Variants in LHFPL7 observed in about 807,000 individuals in gnomAD.
LHFPL7 encodes the protein LHFPL tetraspan subfamily member 7 protein.
At chr22:24,946,422 C>CT in the LHFPL7 span, 1 of 133,236 alleles carries the variant, frequency 7.5e-6, no homozygotes, top group Non-Finnish European at 1.6e-5. Flanking sequence ...CACCCACCCA[C>CT]CCACACACAC....
At chr22:24,944,418 C>A in the LHFPL7 span, among the ~76,000 whole-genome samples, 1 of 152,016 alleles carries the variant, frequency 6.6e-6, no homozygotes, top group Non-Finnish European at 1.5e-5. Flanking sequence ...ATGGAGGGAG[C>A]CACGTGGAGA....
At chr22:24,935,763 A>G in the LHFPL7 span, among the ~76,000 whole-genome samples, 1 of 151,852 alleles carries the variant, frequency 6.6e-6, no homozygotes, top group East Asian at 2.0e-4. Flanking sequence ...CACTCATTCA[A>G]CTACGCTTCC....
chr22:24,938,893 CAGAG>C, the LHFPL7 span, among the ~76,000 whole-genome samples: 1 of 152,184 alleles, frequency 6.6e-6, no homozygotes, highest in Non-Finnish European at 1.5e-5. Context: ...GCACAACTCT[CAGAG>C]ACACGTTGGG....
At chr22:24,935,517 G>A in the LHFPL7 span, 1 of 1,614,108 alleles carries the variant, frequency 6.2e-7, no homozygotes. Context: ...ATACATGGAG[G>A]AGGCTTCGCA....
the LHFPL7 span, among the ~76,000 whole-genome samples, chr22:24,942,262 G>A: frequency 1.3e-5 from 2 of 152,176 alleles, no homozygotes; most frequent in East Asian, 3.9e-4. Context: ...CCAAAGTGCT[G>A]GGATTACAGG....
chr22:24,940,221 C>T, the LHFPL7 span, among the ~76,000 whole-genome samples: 6 of 149,084 alleles, frequency 4.0e-5, no homozygotes, highest in Non-Finnish European at 8.9e-5. Flanking sequence ...CCACCGCGCA[C>T]GGCCTATTTA....
chr22:24,938,139 T>C, the LHFPL7 span: 2 of 1,613,504 alleles, frequency 1.2e-6, no homozygotes, highest in East Asian at 2.2e-5. Context: ...TGCCTGTGCA[T>C]TGGATTTACC....
At chr22:24,939,283 T>C in the LHFPL7 span, 2 of 701,168 alleles carry the variant, frequency 2.9e-6, no homozygotes, top group Non-Finnish European at 5.2e-6. Flanking sequence ...CCTGCCTTAA[T>C]GAGTTTAAAC....
chr22:24,937,808 A>G, the LHFPL7 span, among the ~76,000 whole-genome samples: 1 of 152,226 alleles, frequency 6.6e-6, no homozygotes, highest in Non-Finnish European at 1.5e-5. Flanking sequence ...CTCAGTTCTC[A>G]GCTGGGCATG....
At chr22:24,939,664 C>T in the LHFPL7 span, 8 of 648,228 alleles carry the variant, frequency 1.2e-5, no homozygotes, top group Admixed American at 1.6e-4. Flanking sequence ...GACCCCAGAT[C>T]ATCAGCCCCC....
At chr22:24,940,712 C>CCTCCTTCCCTT in the LHFPL7 span, among the ~76,000 whole-genome samples, 1 of 87,442 alleles carries the variant, frequency 1.1e-5, no homozygotes. Flanking sequence ...TCCCTCCTTC[C>CCTCCTTCCCTT]CTTTCTTTCC....
At chr22:24,938,208 G>C in the LHFPL7 span, 5 of 1,614,180 alleles carry the variant, frequency 3.1e-6, no homozygotes, top group Non-Finnish European at 4.2e-6. Flanking sequence ...CAGCCCTTTG[G>C]GGGCCACAGC....
the LHFPL7 span, among the ~76,000 whole-genome samples, chr22:24,943,792 G>C: frequency 6.6e-6 from 1 of 152,156 alleles, no homozygotes; most frequent in African/African-American, 2.4e-5. Context: ...CCCTGCCCAG[G>C]GGACAGGGAT....
the LHFPL7 span, among the ~76,000 whole-genome samples, chr22:24,944,799 CT>C: frequency 6.6e-6 from 1 of 151,356 alleles, no homozygotes; most frequent in Non-Finnish European, 1.5e-5. Flanking sequence ...CCAGACTGGT[CT>C]TTTTTTGTTT....
At chr22:24,945,676 TAC>T in the LHFPL7 span, among the ~76,000 whole-genome samples, 18 of 152,188 alleles carry the variant, frequency 1.2e-4, no homozygotes, top group South Asian at 2.7e-3. Context: ...CAGGCTTGAG[TAC>T]AGACACAGCT....
At chr22:24,939,525 C>T in the LHFPL7 span, 1 of 703,022 alleles carries the variant, frequency 1.4e-6, no homozygotes, top group Non-Finnish European at 2.6e-6. Flanking sequence ...TACCCACACA[C>T]TGCTCAACAT....
chr22:24,939,617 G>A, the LHFPL7 span: 5 of 692,222 alleles, frequency 7.2e-6, no homozygotes, highest in East Asian at 2.7e-5. Flanking sequence ...GGGGCTGGCC[G>A]AGGTGCTCCC....
chr22:24,937,631 C>G, the LHFPL7 span, among the ~76,000 whole-genome samples: 11 of 152,138 alleles, frequency 7.2e-5, no homozygotes, highest in South Asian at 1.2e-3. Context: ...TTGCTGTAAT[C>G]CAGGCAAGAG....
At chr22:24,938,525 A>C in the LHFPL7 span, among the ~76,000 whole-genome samples, 1 of 152,242 alleles carries the variant, frequency 6.6e-6, no homozygotes, top group Non-Finnish European at 1.5e-5. Context: ...AAATTTTCCA[A>C]TAAAAGTCCA....
Sources: allele counts gnomAD v4.1 joint callset (sites outside exome capture counted in the v4.1 genomes callset), GRCh38; gene constraint gnomAD v4.1.1; transcripts MANE v1.5; gene names NCBI Gene and HGNC (gene_info 2026-07-23, HGNC 2026-07-21).